IL1RN: variants seen among roughly 807,000 people sequenced by gnomAD.
IL1RN encodes the protein interleukin 1 receptor antagonist.
IL1RN carries 10 observed loss-of-function variants against 13.7 expected under a neutral mutation model. The ratio of observed to expected loss-of-function variants is 0.73; its 90% CI spans 0.45 to 1.24. The LOEUF (loss-of-function observed/expected upper bound fraction) is 1.24, where lower values mean the gene tolerates loss of function less well. IL1RN is among the 50% of genes most tolerant of loss of function. The pLI is 0.00. For missense variants in IL1RN, 213 were observed against 222.1 expected, an observed-to-expected ratio of 0.96 and a Z score of 0.26; for synonymous variants, 102 against 82.7, an observed-to-expected ratio of 1.23 and a Z score of -1.27.
chr2:113,106,221 AGCAAAGGG>A (rs1458435958), upstream of IL1RN, among the ~76,000 whole-genome samples: 3 of 152,232 alleles, frequency 2.0e-5, no homozygotes, highest in African/African-American at 7.2e-5. Context: ...TGATAAAATA[AGCAAAGGG>A]TCTTTCTTAG....
chr2:113,121,081 TTCTTCTTCTTCTTCC>T (rs1449259272), intron 2 of IL1RN, among the ~76,000 whole-genome samples: 2 of 144,244 alleles, frequency 1.4e-5, no homozygotes, highest in Non-Finnish European at 3.0e-5. Flanking sequence ...CCTCCTCTTC[TTCTTCTTCTTCTTCC>T]TCTTCCTCTT....
Position 113,132,940 on chromosome 2 carries a change from C to T in IL1RN, c.*69C>T, listed in dbSNP as rs45494692. The T allele has an allele frequency of 8.7e-6, 13 of 1,489,280 alleles. No homozygotes were observed. The highest frequency in any genetic ancestry group is 1.2e-5 in the Non-Finnish European group (13 of 1,067,760). 92.3% of individuals were successfully genotyped at this position (1,489,280 alleles called of 1,614,324 possible). ...TGCAGGGACTGCCAGTCCCCCTGCC[C>T]CAGGGCTCCCGGCTATGGGGGCACT... On this transcript the variant is annotated 3_prime_UTR_variant, in exon 4 of 4. Coordinates refer to ENST00000409930, the MANE Select transcript of IL1RN (RefSeq NM_173842.3).
At chr2:113,131,209 C>A in intron 3 of IL1RN, 52 bp downstream of exon 3, 1 of 1,178,196 alleles carries the variant, frequency 8.5e-7, no homozygotes, top group East Asian at 2.3e-5. Context: ...TGGCTTGAAA[C>A]AACCAAAATT....
At chr2:113,128,062 G>T (rs1003281124) in intron 1 of IL1RN, among the ~76,000 whole-genome samples, 1 of 152,208 alleles carries the variant, frequency 6.6e-6, no homozygotes, top group Admixed American at 6.5e-5. Context: ...AGCAGAGAGG[G>T]GCACCAGGGG....
chr2:113,110,306 C>T (rs1213072428), upstream of IL1RN, among the ~76,000 whole-genome samples: 1 of 152,202 alleles, frequency 6.6e-6, no homozygotes, highest in Non-Finnish European at 1.5e-5. Context: ...AATATTTCTT[C>T]TTGGTGCCCC....
upstream of IL1RN, among the ~76,000 whole-genome samples, chr2:113,105,981 AT>A (rs1686380758): frequency 6.6e-6 from 1 of 152,218 alleles, no homozygotes; most frequent in Non-Finnish European, 1.5e-5. Context: ...CTGGCATCCC[AT>A]TTCATAGCCA....
upstream of IL1RN, among the ~76,000 whole-genome samples, chr2:113,108,214 A>G (rs191210070): frequency 6.6e-6 from 1 of 151,202 alleles, no homozygotes; most frequent in Non-Finnish European, 1.5e-5. Context: ...TAACAGTGGC[A>G]GTCGAGTCCT....
At chr2:113,128,738 T>C (rs1558868078) in intron 1 of IL1RN, among the ~76,000 whole-genome samples, 1 of 152,156 alleles carries the variant, frequency 6.6e-6, no homozygotes. Context: ...AGCCACCTGA[T>C]GAGGTGGGTA....
chr2:113,109,790 T>A (rs1390958759), upstream of IL1RN, among the ~76,000 whole-genome samples: 2 of 151,494 alleles, frequency 1.3e-5, no homozygotes, highest in African/African-American at 4.9e-5. Context: ...TCAGCATATA[T>A]AAAATTTTGG....
At chr2:113,132,298 A>G (rs1378240231) in intron 3 of IL1RN, among the ~76,000 whole-genome samples, 2 of 152,142 alleles carry the variant, frequency 1.3e-5, no homozygotes, top group East Asian at 3.9e-4. Flanking sequence ...AATAGAAAAC[A>G]TTAGACAGGT....
upstream of IL1RN, among the ~76,000 whole-genome samples, chr2:113,125,924 G>A (rs1274877425): frequency 4.6e-5 from 7 of 152,170 alleles, no homozygotes; most frequent in South Asian, 2.1e-4. Context: ...TCAGCCTCCC[G>A]AGTAGCTGGG....
Position 113,131,471 on chromosome 2 carries a change from A to T in IL1RN, c.318+314A>T, listed in dbSNP as rs148389490. ...TATTCCAAAAAGAGCCTCAACATGC[A>T]GGCGCTTATTATGACTTCTGCTTGC... On this transcript the variant is annotated intron_variant, in intron 3 of 3. Transcript: ENST00000409930. Among the ~76,000 whole-genome samples the T allele has an allele frequency of 1.4e-4, 21 of 152,256 alleles. No individual in the cohort carries two copies. The East Asian group carries it at 4.1e-3, about 30-fold the overall frequency.
At chr2:113,101,166 A>G in the IL1RN span, among the ~76,000 whole-genome samples, 1 of 152,244 alleles carries the variant, frequency 6.6e-6, no homozygotes, top group African/African-American at 2.4e-5. Flanking sequence ...TTGTTAATGT[A>G]GATTCCCCTG....
chr2:113,103,705 T>C (rs1347989297), upstream of IL1RN, among the ~76,000 whole-genome samples: 1 of 152,142 alleles, frequency 6.6e-6, no homozygotes, highest in Non-Finnish European at 1.5e-5. Flanking sequence ...GGGAAACTAA[T>C]ACAAGAAGGG....
chr2:113,130,868 T>G (rs1399562890), intron 2 of IL1RN, among the ~76,000 whole-genome samples, 177 bp from the exon 3 acceptor site: 2 of 152,144 alleles, frequency 1.3e-5, no homozygotes, highest in African/African-American at 4.8e-5. Flanking sequence ...AACTGGGTAG[T>G]GTGCTTGGTT....
upstream of IL1RN, chr2:113,117,595 G>C (rs921789401): frequency 4.1e-6 from 1 of 244,262 alleles, no homozygotes; most frequent in Non-Finnish European, 8.1e-6. Context: ...TGGCACACAG[G>C]ATTAAGCCAA....
chr2:113,121,005 C>T (rs1686754733), intron 2 of IL1RN, among the ~76,000 whole-genome samples: 1 of 149,726 alleles, frequency 6.7e-6, no homozygotes, highest in Non-Finnish European at 1.5e-5. Context: ...TCCTCTTCTT[C>T]TTCCTCCTCC....
rs495282 is a variant in IL1RN, at chr2:113,129,717, G to C, written c.205+53G>C. The C allele has an allele frequency of 0.25, 282,948 of 1,151,224 alleles. 37,874 individuals carry two copies. Among genetic ancestry groups the C allele is most frequent in the Admixed American group, 0.31 (18,289 of 59,366 alleles). 71.3% of individuals were successfully genotyped at this position (1,151,224 alleles called of 1,614,324 possible). On this transcript the variant is annotated intron_variant, in intron 2 of 3. Coordinates refer to ENST00000409930, the MANE Select transcript of IL1RN (RefSeq NM_173842.3). Reference sequence around the variant, plus strand: ...ATGTGGGCATCACGTCACTTTGCCCGTCTGTCTGCAGCAGCATGGCCTGCC... The same window carrying C: ...ATGTGGGCATCACGTCACTTTGCCCCTCTGTCTGCAGCAGCATGGCCTGCC...
chr2:113,100,103 A>C, the IL1RN span, among the ~76,000 whole-genome samples: 1 of 144,150 alleles, frequency 6.9e-6, no homozygotes, highest in Non-Finnish European at 1.5e-5. Context: ...CGGGCAGATC[A>C]CAAGGTCAGG....
Sources: allele counts gnomAD v4.1 joint callset (sites outside exome capture counted in the v4.1 genomes callset), GRCh38; gene constraint gnomAD v4.1.1; transcripts MANE v1.5; gene names NCBI Gene and HGNC (gene_info 2026-07-23, HGNC 2026-07-21).